GPR37: variants seen among roughly 807,000 people sequenced by gnomAD.
The protein encoded by GPR37 is prosaposin receptor GPR37.
In GPR37, 20 loss-of-function variants were observed where a neutral mutation model predicts 43.6. The ratio of observed to expected loss-of-function variants is 0.46; its 90% CI spans 0.32 to 0.67. GPR37 has a LOEUF of 0.67. GPR37 is among the 30% of genes least tolerant of loss of function. The pLI is 0.03. For synonymous variants in GPR37, 315 were observed against 322.6 expected (o/e 0.98, Z 0.25); for missense variants, 724 against 797.2 (o/e 0.91, Z 1.11).
In GPR37 at chr7:124,744,637, C is replaced by T. The variant is rs912291792; in HGVS notation, c.*1888G>A. The T allele has an allele frequency of 2.6e-5, 4 of 152,152 alleles. No individual in the cohort carries two copies. The highest frequency in any genetic ancestry group is 9.7e-5 in the African/African-American group (4 of 41,444). 9.4% of individuals were successfully genotyped at this position (152,152 alleles called of 1,614,324 possible). ...AAGCATTCCCTCTATTCCAAAGTATCGCAGAACTTCACATCTTCCTGAGGC... is the reference window on the plus strand; with the variant it reads ...AAGCATTCCCTCTATTCCAAAGTATTGCAGAACTTCACATCTTCCTGAGGC... On this transcript the variant is annotated 3_prime_UTR_variant, in exon 2 of 2. Transcript: ENST00000303921.
intron 1 of GPR37, among the ~76,000 whole-genome samples, chr7:124,761,207 C>T (rs1562960199): frequency 6.6e-6 from 1 of 151,408 alleles, no homozygotes; most frequent in Non-Finnish European, 1.5e-5. Flanking sequence ...GTTTTCCACC[C>T]AGACAGCTCC....
chr7:124,764,556 C>CT lies in GPR37; in HGVS notation c.420_421insA (p.Ala141SerfsTer25). On this transcript the variant is annotated frameshift_variant, in exon 1 of 2. Coordinates refer to ENST00000303921, the MANE Select transcript of GPR37 (RefSeq NM_005302.5). LOFTEE classifies it high-confidence loss of function. This position sits in a 1 kb window ranked among gnomAD's most constrained non-coding sequence, Gnocchi z 5.4. ...GAGATCTGAAGGAAGAGCTGGAGGG[C>CT]CGTGGGGTTCCCTCTCCCCAAAGTT... 6.2e-7 allele frequency: 1 copy of CT among 1,613,234 alleles called. No homozygotes were observed. Among genetic ancestry groups the CT allele is most frequent in the South Asian group, 1.1e-5 (1 of 91,078 alleles).
In GPR37 at chr7:124,746,970, G is replaced by C. The variant is rs538782485; in HGVS notation, c.1397C>G (p.Ala466Gly). Residue 466 changes from alanine (A) to glycine (G), a missense_variant, in exon 2 of 2, where the codon GCG becomes GGG. Physicochemically the swap from Ala to Gly is moderately conservative, Grantham distance 60. This residue lies in a region of GPR37 where 342 missense variants were observed against 441.8 expected (regional missense o/e 0.77). Coordinates refer to ENST00000303921, the MANE Select transcript of GPR37 (RefSeq NM_005302.5). ...TTTCTCTGCTTTGCGGATTTTCCTC[G>C]CAGTCACTAGAGAGCAGGTGATGGT... The part of the protein sequence containing the change: ...LFTITCSLVT[A>G]RKIRKAEKAC... 1.9e-6 allele frequency: 3 copies of C among 1,613,802 alleles called. No homozygotes were observed. Among genetic ancestry groups the C allele is most frequent in the Admixed American group, 1.7e-5 (1 of 59,980 alleles).
At position 124,744,959 on chromosome 7, in the gene GPR37, CAAG is replaced by C. The variant is rs1793654113; in HGVS notation, c.*1563_*1565del. The C allele has an allele frequency of 6.6e-6, 1 of 152,062 alleles. No individual in the cohort carries two copies. The highest frequency in any genetic ancestry group is 2.1e-4 in the South Asian group (1 of 4,832). 9.4% of individuals were successfully genotyped at this position (152,062 alleles called of 1,614,324 possible). A position where few individuals can be genotyped will look rare whatever the true frequency, so the allele number is the denominator to read the frequency against. On this transcript the variant is annotated 3_prime_UTR_variant, in exon 2 of 2. Coordinates refer to ENST00000303921, the MANE Select transcript of GPR37 (RefSeq NM_005302.5). The stretch of plus-strand genomic sequence containing the variant: ...TCCAAAGACCTATTACAGGGATCTA[CAAG>C]AAGACAAGGGCACCTTGTTTGAATT...
intron 1 of GPR37, among the ~76,000 whole-genome samples, chr7:124,752,495 GGA>G: frequency 6.6e-6 from 1 of 152,122 alleles, no homozygotes; most frequent in Non-Finnish European, 1.5e-5. Flanking sequence ...TAGGCAGAGA[GGA>G]TTGACTAACA....
In GPR37 at chr7:124,746,662, C is replaced by T; in HGVS notation, c.1705G>A (p.Glu569Lys). ...AFMECCCCCC[E>K]ECIQKSSTVT... Reference sequence around the variant, plus strand: ...GTTGAAGACTTCTGAATGCATTCCTCACAGCAACAGCAGCAGCACTCCATG... The same window carrying T: ...GTTGAAGACTTCTGAATGCATTCCTTACAGCAACAGCAGCAGCACTCCATG... Residue 569 changes from glutamate to lysine, a missense_variant, in exon 2 of 2, where the codon GAG becomes AAG. Physicochemically the swap from Glu to Lys is moderately conservative, Grantham distance 56. Around this residue, in one of 2 missense-constraint regions of GPR37, gnomAD observed 342 missense variants for 441.8 expected, o/e 0.77. Coordinates refer to ENST00000303921, the MANE Select transcript of GPR37 (RefSeq NM_005302.5). 6.2e-7 allele frequency: 1 copy of T among 1,613,924 alleles called. No homozygotes were observed. The highest frequency in any genetic ancestry group is 8.5e-7 in the Non-Finnish European group (1 of 1,179,878).
At chr7:124,760,075 A>G (rs1584726664) in intron 1 of GPR37, among the ~76,000 whole-genome samples, 1 of 152,212 alleles carries the variant, frequency 6.6e-6, no homozygotes, top group African/African-American at 2.4e-5. Flanking sequence ...AATAAAATTT[A>G]AAATTAACTA....
At chr7:124,757,754 T>G (rs1000205915) in intron 1 of GPR37, among the ~76,000 whole-genome samples, 1 of 151,940 alleles carries the variant, frequency 6.6e-6, no homozygotes, top group Non-Finnish European at 1.5e-5. Context: ...TTTCTGTAAT[T>G]TTAATGGCAG....
chr7:124,752,585 C>T (rs985589215), intron 1 of GPR37, among the ~76,000 whole-genome samples: 3 of 152,138 alleles, frequency 2.0e-5, no homozygotes, highest in African/African-American at 4.8e-5. Context: ...TTGAGAATCA[C>T]TAGTTTAACA....
rs1314445376 is a variant in GPR37 at position 124,764,304 on chromosome 7, A to G, written c.673T>C (p.Leu225=). Residue 225 remains leucine (L), a synonymous_variant, in exon 1 of 2, where the codon TTG becomes CTG. Coordinates refer to ENST00000303921, the MANE Select transcript of GPR37 (RefSeq NM_005302.5). This position sits in a 1 kb window ranked among gnomAD's most constrained non-coding sequence, Gnocchi z 5.4. ...CCAGGCTCATGGATTCCTTCACCCA[A>G]GGATCCATTCTGGGCCAGCGCCCGG... is the stretch of plus-strand genomic sequence containing the variant. ...PGRALAQNGS[L]GEGIHEPGGP... 1 of 1,606,202 alleles carries G rather than the reference A, an allele frequency of 6.2e-7. No individual in the cohort carries two copies. Among genetic ancestry groups the G allele is most frequent in the Admixed American group, 1.7e-5 (1 of 59,182 alleles).
chr7:124,762,568 C>T (rs1793863313), intron 1 of GPR37, among the ~76,000 whole-genome samples: 1 of 151,998 alleles, frequency 6.6e-6, no homozygotes, highest in African/African-American at 2.4e-5. Flanking sequence ...AACATGAGTT[C>T]AACTGGCTCC....
At chr7:124,749,774 A>T (rs144914547) in intron 1 of GPR37, among the ~76,000 whole-genome samples, 16 of 152,266 alleles carry the variant, frequency 1.1e-4, no homozygotes, top group African/African-American at 1.4e-4. Flanking sequence ...TGAAAAAAAA[A>T]ATATGGCTAG....
intron 1 of GPR37, among the ~76,000 whole-genome samples, chr7:124,759,484 A>T (rs939657348): frequency 6.6e-6 from 1 of 152,098 alleles, no homozygotes; most frequent in Non-Finnish European, 1.5e-5. Context: ...ACCTCCCCTA[A>T]TACACATAAA....
At chr7:124,747,621 C>T (rs773453573) in intron 1 of GPR37, among the ~76,000 whole-genome samples, 1 of 151,996 alleles carries the variant, frequency 6.6e-6, no homozygotes, top group Non-Finnish European at 1.5e-5. Flanking sequence ...ATCAGCTAGT[C>T]CAATCCCTTT....
At position 124,753,549 on chromosome 7, in the gene GPR37, A is replaced by G. The variant is rs528808940; in HGVS notation, c.1024-6206T>C. ...ACTATGAAAGTCTACCACAAAGTGGAAAAAAAAAACCTATAAAGTATGGAG... is the reference window on the plus strand; with the variant it reads ...ACTATGAAAGTCTACCACAAAGTGGGAAAAAAAAACCTATAAAGTATGGAG... On this transcript the variant is annotated intron_variant, in intron 1 of 1. Coordinates refer to ENST00000303921, the MANE Select transcript of GPR37 (RefSeq NM_005302.5). Among the ~76,000 whole-genome samples the G allele has an allele frequency of 4.0e-5, 6 of 150,098 alleles. No homozygotes were observed. The South Asian group carries it at 6.3e-4, about 16-fold the overall frequency.
In GPR37 at chr7:124,764,406, C is replaced by A; in HGVS notation, c.571G>T (p.Gly191Cys). 6.2e-7 allele frequency: 1 copy of A among 1,613,576 alleles called. No homozygotes were observed. ...YWPRRAGKLQ[G>C]SHHKPLSKTA... is the part of the protein sequence containing the mutation. ...TTGGACAGGGGCTTGTGGTGGGAAC[C>A]CTGGAGTTTCCCGGCTCTCCTTGGC... The change falls in exon 1 of 2, where the codon GGT (glycine) becomes TGT (cysteine). Residue 191 changes from glycine to cysteine, a missense_variant. Gly to Cys is a radical substitution (Grantham distance 159). Around this residue, in one of 2 missense-constraint regions of GPR37, gnomAD observed 382 missense variants for 355.4 expected, o/e 1.07. Transcript: ENST00000303921. This position sits in a 1 kb window ranked among gnomAD's most constrained non-coding sequence, Gnocchi z 5.4.
At chr7:124,747,513 G>A (rs901406065) in intron 1 of GPR37, among the ~76,000 whole-genome samples, 170 bp from the exon 2 acceptor site, 5 of 152,034 alleles carry the variant, frequency 3.3e-5, no homozygotes, top group Non-Finnish European at 4.4e-5. Context: ...GGCTCAGGAC[G>A]TCAGCTGAAT....
At position 124,747,455 on chromosome 7, in the gene GPR37, T is replaced by TGA. The variant is rs765085676; in HGVS notation, c.1024-114_1024-113dup. 5.5e-4 allele frequency: 364 copies of TGA among 663,068 alleles called. 1 individual carries two copies. The highest frequency in any genetic ancestry group is 3.3e-3 in the Middle Eastern group (8 of 2,406). The allele number at this position is 663,068 out of a possible 1,614,324, so 41.1% of individuals were successfully genotyped here. A position where few individuals can be genotyped will look rare whatever the true frequency, so the allele number is the denominator to read the frequency against. ...AAAAAAAAATATGGATAAATAAAAA[T>TGA]GAGAGAGAGAGAGAGAACAGTTTTC... On this transcript the variant is annotated intron_variant, in intron 1 of 1. Transcript: ENST00000303921.
At position 124,764,931 on chromosome 7, in the gene GPR37, G is replaced by A. The variant is rs750797121; in HGVS notation, c.46C>T (p.Leu16Phe). Residue 16 changes from leucine (L) to phenylalanine (F), a missense_variant, in exon 1 of 2, where the codon CTT becomes TTT. Physicochemically the swap from Leu to Phe is conservative, Grantham distance 22. Transcript: ENST00000303921. The surrounding 1 kb of genome is among the most constrained non-coding windows in gnomAD (Gnocchi z 5.4). ...GCAGACACCTTGAGCAGTAGCAGAA[G>A]CAGTAGCCGCGACATGCGGGCGAGA... ...ALLARMSRLL[L>F]LLLLKVSASS... 3.9e-6 allele frequency: 6 copies of A among 1,542,466 alleles called. No individual in the cohort carries two copies. The highest frequency in any genetic ancestry group is 2.4e-5 in the South Asian group (2 of 81,930).
Sources: allele counts gnomAD v4.1 joint callset (sites outside exome capture counted in the v4.1 genomes callset), GRCh38; gene constraint gnomAD v4.1.1; regional missense constraint gnomAD v4.1.1; non-coding constraint Gnocchi (gnomAD v3.1); transcripts MANE v1.5; gene names NCBI Gene and HGNC (gene_info 2026-07-23, HGNC 2026-07-21).